The following GPC6 variants were observed in gnomAD, a reference collection of about 807,000 sequenced individuals.
GPC6 encodes glypican 6.
GPC6 carries 14 observed loss-of-function variants against 55.2 expected under a neutral mutation model. The ratio of observed to expected loss-of-function variants is 0.25; its 90% CI spans 0.17 to 0.40. The LOEUF (loss-of-function observed/expected upper bound fraction) is 0.40, where lower values mean the gene tolerates loss of function less well. GPC6 is among the 10% of genes least tolerant of loss of function. GPC6 has a pLI of 1.00. For missense variants in GPC6, 641 were observed against 708.5 expected (o/e 0.90, Z 1.08); for synonymous variants, 278 against 259.6 (o/e 1.07, Z -0.68).
intron 5 of GPC6, among the ~76,000 whole-genome samples, chr13:94,286,690 T>C (rs939612578): frequency 6.6e-6 from 1 of 152,218 alleles, no homozygotes; most frequent in African/African-American, 2.4e-5. Flanking sequence ...TTGCAACTAC[T>C]CAATCACGAA....
At chr13:93,409,012 A>G (rs1876397314) in intron 1 of GPC6, among the ~76,000 whole-genome samples, 1 of 152,108 alleles carries the variant, frequency 6.6e-6, no homozygotes, top group African/African-American at 2.4e-5. Flanking sequence ...ACATTTGGGA[A>G]CATTGTCACT....
In GPC6 at chr13:94,007,526, C is replaced by T. The variant is rs1284181405; in HGVS notation, c.712-20203C>T. ...TGGATGGTAATACCAAGAGAAGAGACCTCGGGAATGCATTAAGTCTCACTG... is the reference window on the plus strand; with the variant it reads ...TGGATGGTAATACCAAGAGAAGAGATCTCGGGAATGCATTAAGTCTCACTG... On this transcript the variant is annotated intron_variant, in intron 3 of 8. Coordinates refer to ENST00000377047, the MANE Select transcript of GPC6 (RefSeq NM_005708.5). 4.6e-5 allele frequency among the ~76,000 whole-genome samples: 7 copies of T among 152,314 alleles called. No individual in the cohort carries two copies. In the South Asian group the frequency reaches 1.4e-3, roughly 32 times the overall value.
At chr13:94,105,438 A>G (rs761468367) in intron 4 of GPC6, among the ~76,000 whole-genome samples, 2 of 152,246 alleles carry the variant, frequency 1.3e-5, no homozygotes, top group Admixed American at 1.3e-4. Flanking sequence ...TACCATTTAC[A>G]TAATAGATCT....
intron 2 of GPC6, among the ~76,000 whole-genome samples, chr13:93,625,298 A>C (rs1351985835): frequency 6.6e-6 from 1 of 152,168 alleles, no homozygotes; most frequent in Non-Finnish European, 1.5e-5. Flanking sequence ...GGAAATGTCA[A>C]AATAGGGATG....
intron 1 of GPC6, among the ~76,000 whole-genome samples, chr13:93,228,832 A>G (rs894882674): frequency 2.0e-5 from 3 of 152,184 alleles, no homozygotes; most frequent in Non-Finnish European, 2.9e-5. Context: ...TTTTGCAGAT[A>G]TCTTAGAACA....
rs143815831 is a variant in GPC6, at chr13:93,427,778, G to T, written c.161-117485G>T. Among the ~76,000 whole-genome samples, 14 of 152,074 alleles carry T rather than the reference G, an allele frequency of 9.2e-5. No homozygotes were observed. In the East Asian group the frequency reaches 2.7e-3, roughly 29 times the overall value. ...GCCTCATAAGCACACACAATAGTCC[G>T]TTCAGTGCAAAATGAGTGCACGATG... On this transcript the variant is annotated intron_variant, in intron 1 of 8. Coordinates refer to ENST00000377047, the MANE Select transcript of GPC6 (RefSeq NM_005708.5).
At position 93,600,174 on chromosome 13, in the gene GPC6, T is replaced by G. The variant is rs147791234; in HGVS notation, c.319+54753T>G. On this transcript the variant is annotated intron_variant, in intron 2 of 8. Coordinates refer to ENST00000377047, the MANE Select transcript of GPC6 (RefSeq NM_005708.5). ...CAAGTACTAAATTGAATAAATACTG[T>G]TATTTATCTTGTCTGGGCTAAACAG... is the stretch of plus-strand genomic sequence containing the variant. Among the ~76,000 whole-genome samples, 228 of 152,344 alleles carry G rather than the reference T, an allele frequency of 1.5e-3. 7 individuals carry two copies. The East Asian group carries it at 0.034, about 23-fold the overall frequency.
chr13:93,705,046 T>C (rs1251484972), intron 2 of GPC6, among the ~76,000 whole-genome samples: 4 of 151,892 alleles, frequency 2.6e-5, no homozygotes, highest in Non-Finnish European at 5.9e-5. Context: ...CATGTTCAGG[T>C]TATGTGACCT....
At chr13:93,328,856 T>C (rs1879745676) in intron 1 of GPC6, among the ~76,000 whole-genome samples, 1 of 152,096 alleles carries the variant, frequency 6.6e-6, no homozygotes, top group Non-Finnish European at 1.5e-5. Flanking sequence ...CTTAGGAATC[T>C]TCCCTCAAAA....
chr13:94,252,472 G>A (rs1443209963), intron 4 of GPC6, among the ~76,000 whole-genome samples: 11 of 151,994 alleles, frequency 7.2e-5, no homozygotes. Context: ...CCCCCATGCT[G>A]GTTAAGCCTT....
In GPC6 at chr13:93,716,337, A is replaced by G. The variant is rs149735619; in HGVS notation, c.320-113817A>G. ...GTCTTCTAGGAGAAGCATTATTGTC[A>G]TAGGAGAGGACCGCTTCATGCCAGC... On this transcript the variant is annotated intron_variant, in intron 2 of 8. Transcript: ENST00000377047. Among the ~76,000 whole-genome samples, 730 of 151,732 alleles carry G rather than the reference A, an allele frequency of 4.8e-3. 6 individuals are homozygous for G. Among genetic ancestry groups the G allele is most frequent in the African/African-American group, 0.017 (695 of 41,486 alleles).
At chr13:93,479,373 A>G (rs1042013167) in intron 1 of GPC6, among the ~76,000 whole-genome samples, 1 of 152,212 alleles carries the variant, frequency 6.6e-6, no homozygotes, top group African/African-American at 2.4e-5. Flanking sequence ...CACGATAAAC[A>G]TTTCAAAATA....
intron 3 of GPC6, among the ~76,000 whole-genome samples, chr13:93,978,329 A>T (rs1368704535): frequency 6.6e-6 from 1 of 152,176 alleles, no homozygotes; most frequent in African/African-American, 2.4e-5. Flanking sequence ...GTTTTGTTTT[A>T]TGCCACTGAA....
At chr13:93,288,884 G>A (rs1253075889) in intron 1 of GPC6, among the ~76,000 whole-genome samples, 1 of 152,162 alleles carries the variant, frequency 6.6e-6, no homozygotes, top group East Asian at 1.9e-4. Flanking sequence ...CACTTCATGA[G>A]TAAATGTAAA....
At chr13:93,693,730 ACT>A (rs577429934) in intron 2 of GPC6, among the ~76,000 whole-genome samples, 2 of 152,008 alleles carry the variant, frequency 1.3e-5, no homozygotes, top group Non-Finnish European at 2.9e-5. Flanking sequence ...CAAGTGATCC[ACT>A]CACTTTGGCC....
chr13:93,880,590 G>A (rs1022505715), intron 3 of GPC6, among the ~76,000 whole-genome samples: 2 of 152,108 alleles, frequency 1.3e-5, no homozygotes, highest in Admixed American at 6.6e-5. Context: ...GGTAGGGATA[G>A]TATTGGGAGA....
intron 3 of GPC6, among the ~76,000 whole-genome samples, chr13:93,931,893 T>C (rs1017567177): frequency 3.9e-5 from 6 of 152,106 alleles, no homozygotes; most frequent in African/African-American, 1.4e-4. Context: ...TATAATTATG[T>C]CCATCTGACT....
chr13:93,956,452 G>A (rs1482510483), intron 3 of GPC6, among the ~76,000 whole-genome samples: 1 of 152,112 alleles, frequency 6.6e-6, no homozygotes, highest in Non-Finnish European at 1.5e-5. Context: ...TGTTACCACA[G>A]AAATTCACAT....
chr13:93,989,090 G>T (rs1881170882), intron 3 of GPC6, among the ~76,000 whole-genome samples: 1 of 152,124 alleles, frequency 6.6e-6, no homozygotes, highest in African/African-American at 2.4e-5. Flanking sequence ...AAAAAAAAGT[G>T]TAATCCAATG....
Sources: allele counts gnomAD v4.1 joint callset (sites outside exome capture counted in the v4.1 genomes callset), GRCh38; gene constraint gnomAD v4.1.1; transcripts MANE v1.5; gene names NCBI Gene and HGNC (gene_info 2026-07-23, HGNC 2026-07-21).